The following COX10 variants were observed in gnomAD, a reference collection of about 807,000 sequenced individuals.
The protein encoded by COX10 is protoheme IX farnesyltransferase, mitochondrial.
A neutral mutation model predicts 37.3 loss-of-function variants in COX10; 27 were observed. The observed-to-expected ratio is 0.72, with a 90% CI of 0.53 to 1.00. The LOEUF (loss-of-function observed/expected upper bound fraction) is 1.00, where lower values mean the gene tolerates loss of function less well. COX10 is among the 50% of genes least tolerant of loss of function. The pLI, the probability that COX10 is intolerant of heterozygous loss-of-function variation, is 0.00. For missense variants in COX10, 475 were observed against 563.2 expected (o/e 0.84, Z 1.59); for synonymous variants, 222 against 229.1 (o/e 0.97, Z 0.28).
intron 4 of COX10, among the ~76,000 whole-genome samples, chr17:14,158,467 C>T (rs1269738067): frequency 2.7e-5 from 4 of 150,862 alleles, no homozygotes; most frequent in African/African-American, 9.7e-5. Context: ...TAGAATGTCA[C>T]TTATTTGTCT....
chr17:14,173,080 C>T (rs1905533512), intron 5 of COX10, among the ~76,000 whole-genome samples: 1 of 152,142 alleles, frequency 6.6e-6, no homozygotes, highest in Non-Finnish European at 1.5e-5. Context: ...TGTTTGAATT[C>T]CTTGTACATT....
chr17:14,150,246 T>A (rs1287057540), intron 4 of COX10, among the ~76,000 whole-genome samples: 1 of 151,104 alleles, frequency 6.6e-6, no homozygotes, highest in Non-Finnish European at 1.5e-5. Flanking sequence ...GTATTTAGCC[T>A]GGGCAACAGA....
chr17:14,159,995 G>A, intron 5 of COX10, 48 bp downstream of exon 5: 2 of 1,516,906 alleles, frequency 1.3e-6, no homozygotes, highest in Non-Finnish European at 1.8e-6. Flanking sequence ...ACATTCATTT[G>A]CTTGTTCATC....
intron 6 of COX10, among the ~76,000 whole-genome samples, chr17:14,200,134 A>G (rs1303142802): frequency 6.6e-6 from 1 of 152,164 alleles, no homozygotes; most frequent in African/African-American, 2.4e-5. Context: ...CAGTGAGAGA[A>G]AACAAGCCGA....
chr17:14,078,836 C>A (rs560209618), intron 3 of COX10, among the ~76,000 whole-genome samples: 7 of 152,282 alleles, frequency 4.6e-5, no homozygotes, highest in African/African-American at 1.4e-4. Flanking sequence ...AATGATCAAA[C>A]TGTTCCTCAG....
chr17:14,113,462 A>T (rs1176096210), intron 4 of COX10, among the ~76,000 whole-genome samples: 1 of 152,168 alleles, frequency 6.6e-6, no homozygotes, highest in Non-Finnish European at 1.5e-5. Context: ...GATGAAAAAG[A>T]GCTTTTTTCT....
intron 6 of COX10, among the ~76,000 whole-genome samples, chr17:14,200,666 T>G (rs1314811559): frequency 2.6e-5 from 4 of 152,342 alleles, no homozygotes; most frequent in Admixed American, 1.3e-4. Flanking sequence ...TCTACAGATA[T>G]GCCACCTAGA....
chr17:14,198,745 G>C (rs1270210035), intron 6 of COX10, among the ~76,000 whole-genome samples: 1 of 152,108 alleles, frequency 6.6e-6, no homozygotes, highest in Non-Finnish European at 1.5e-5. Flanking sequence ...AGTAGAGTCG[G>C]AGTGAATTTA....
chr17:14,156,270 G>T (rs1905037834), intron 4 of COX10, among the ~76,000 whole-genome samples: 1 of 152,118 alleles, frequency 6.6e-6, no homozygotes, highest in Non-Finnish European at 1.5e-5. Flanking sequence ...CTCTGGTCCA[G>T]GCTGGAGTGC....
intron 5 of COX10, among the ~76,000 whole-genome samples, chr17:14,176,035 C>T (rs984925535): frequency 7.9e-5 from 12 of 152,080 alleles, no homozygotes; most frequent in African/African-American, 2.9e-4. Flanking sequence ...TTAAAAGAAC[C>T]CCTCAGCTGC....
chr17:14,079,472 A>G (rs1205813242), intron 3 of COX10, among the ~76,000 whole-genome samples: 2 of 152,214 alleles, frequency 1.3e-5, no homozygotes, highest in Admixed American at 6.5e-5. Context: ...TGACCTGAGT[A>G]TCATATAGGA....
intron 5 of COX10, among the ~76,000 whole-genome samples, chr17:14,160,690 T>C (rs979598307): frequency 2.6e-5 from 4 of 152,158 alleles, no homozygotes; most frequent in African/African-American, 7.2e-5. Context: ...AGGAAGCAAG[T>C]GTATATGCAG....
chr17:14,189,208 G>T (rs1906128274), intron 5 of COX10, among the ~76,000 whole-genome samples: 1 of 150,888 alleles, frequency 6.6e-6, no homozygotes, highest in South Asian at 2.1e-4. Flanking sequence ...TGAGTGGAAA[G>T]TTAGCTCAAC....
chr17:14,164,018 T>C (rs1905225355), intron 5 of COX10, among the ~76,000 whole-genome samples: 1 of 152,220 alleles, frequency 6.6e-6, no homozygotes, highest in South Asian at 2.1e-4. Flanking sequence ...AAGTGCATTA[T>C]CACAAATTTG....
intron 4 of COX10, among the ~76,000 whole-genome samples, chr17:14,107,641 G>A (rs1236843563): frequency 1.3e-5 from 2 of 150,522 alleles, no homozygotes; most frequent in Non-Finnish European, 3.0e-5. Context: ...GCTACATCTT[G>A]CTCTACTGTC....
At chr17:14,102,754 T>TC (rs35238392) in intron 4 of COX10, among the ~76,000 whole-genome samples, 2 of 152,206 alleles carry the variant, frequency 1.3e-5, no homozygotes, top group African/African-American at 2.4e-5. Flanking sequence ...TTTTAATACA[T>TC]CCCCCCCTAT....
chr17:14,129,017 G>A (rs1020906709), intron 4 of COX10, among the ~76,000 whole-genome samples: 2 of 152,068 alleles, frequency 1.3e-5, no homozygotes, highest in Non-Finnish European at 2.9e-5. Context: ...GCTAATTTTT[G>A]TATTTTTAGT....
chr17:14,144,469 G>T (rs1421981032), intron 4 of COX10, among the ~76,000 whole-genome samples: 1 of 152,098 alleles, frequency 6.6e-6, no homozygotes, highest in Admixed American at 6.6e-5. Context: ...TGTGGTGAAG[G>T]AGCACTAGTG....
intron 5 of COX10, chr17:14,177,152 C>G: frequency 1.5e-6 from 1 of 649,924 alleles, no homozygotes; most frequent in South Asian, 1.7e-5. Context: ...CCAGGTGTCT[C>G]TCACACTGCT....
Sources: allele counts gnomAD v4.1 joint callset (sites outside exome capture counted in the v4.1 genomes callset), GRCh38; gene constraint gnomAD v4.1.1; transcripts MANE v1.5; gene names NCBI Gene and HGNC (gene_info 2026-07-23, HGNC 2026-07-21).